PRKCE: variants seen among roughly 807,000 people sequenced by gnomAD.
PRKCE encodes protein kinase C epsilon.
Under a neutral mutation model 85.4 loss-of-function variants are expected in PRKCE, and 16 were observed. The observed-to-expected ratio is 0.19, with a 90% CI of 0.13 to 0.28. The LOEUF (loss-of-function observed/expected upper bound fraction) is 0.28. Ranked by LOEUF, PRKCE falls within the 10% of genes least tolerant of loss-of-function variation. The pLI, the probability that PRKCE is intolerant of heterozygous loss-of-function variation, is 1.00. For missense variants in PRKCE, 573 were observed against 975.2 expected (o/e 0.59, Z 5.49); for synonymous variants, 388 against 371.5 (o/e 1.04, Z -0.51).
At position 46,099,875 on chromosome 2, in the gene PRKCE, G is replaced by A. The variant is rs566789183; in HGVS notation, c.1592+13513G>A. ...TCTTCCCCTGGGCTCCTTTCTGTGT[G>A]CATGGCCCTATTTCACCTGTCTTTT... On this transcript the variant is annotated intron_variant, in intron 11 of 14. Coordinates refer to ENST00000306156, the MANE Select transcript of PRKCE (RefSeq NM_005400.3). 6.6e-5 allele frequency among the ~76,000 whole-genome samples: 10 copies of A among 152,284 alleles called. No homozygotes were observed. In the South Asian group the frequency reaches 2.1e-3, roughly 32 times the overall value.
At chr2:45,720,739 A>G (rs1680547634) in intron 1 of PRKCE, among the ~76,000 whole-genome samples, 1 of 152,186 alleles carries the variant, frequency 6.6e-6, no homozygotes, top group Non-Finnish European at 1.5e-5. Context: ...TGAATTTGGA[A>G]AGAAGATTGG....
chr2:45,792,735 T>G (rs1311778013), intron 1 of PRKCE, among the ~76,000 whole-genome samples: 1 of 152,220 alleles, frequency 6.6e-6, no homozygotes, highest in African/African-American at 2.4e-5. Flanking sequence ...TTAAATGAGA[T>G]AATGCTTATT....
intron 2 of PRKCE, among the ~76,000 whole-genome samples, chr2:45,941,894 C>T (rs1332381718): frequency 6.6e-6 from 1 of 152,108 alleles, no homozygotes; most frequent in Non-Finnish European, 1.5e-5. Context: ...GGATAAAATA[C>T]ACTAGCTGGA....
chr2:46,171,048 G>T (rs1012764474), intron 14 of PRKCE, among the ~76,000 whole-genome samples: 1 of 152,176 alleles, frequency 6.6e-6, no homozygotes, highest in African/African-American at 2.4e-5. Context: ...AGCAGAATGA[G>T]TCCAAGTTGC....
chr2:45,860,054 C>G (rs1032940913), intron 2 of PRKCE, among the ~76,000 whole-genome samples: 4 of 152,032 alleles, frequency 2.6e-5, no homozygotes, highest in Non-Finnish European at 4.4e-5. Context: ...CTTTTAGTGC[C>G]TTATTAAACT....
At chr2:45,884,234 G>C (rs1695079569) in intron 2 of PRKCE, among the ~76,000 whole-genome samples, 1 of 152,188 alleles carries the variant, frequency 6.6e-6, no homozygotes, top group Non-Finnish European at 1.5e-5. Context: ...TCTGCCACTG[G>C]GCAAGTTACT....
At chr2:46,101,990 A>C (rs1455333912) in intron 11 of PRKCE, among the ~76,000 whole-genome samples, 4 of 152,130 alleles carry the variant, frequency 2.6e-5, no homozygotes, top group African/African-American at 9.7e-5. Flanking sequence ...AAAATTCCTG[A>C]AATTTTAACA....
In PRKCE at chr2:46,136,823, C is replaced by T. The variant is rs140147628; in HGVS notation, c.1593-8270C>T. Reference sequence around the variant, plus strand: ...CCAGTCCCGGGGAAAGGAATCTTGACTTTCTCACCGGGCTATGCTAAAAGT... The same window carrying T: ...CCAGTCCCGGGGAAAGGAATCTTGATTTTCTCACCGGGCTATGCTAAAAGT... On this transcript the variant is annotated intron_variant, in intron 11 of 14. Transcript: ENST00000306156. Among the ~76,000 whole-genome samples the T allele has an allele frequency of 8.4e-3, 1,273 of 152,322 alleles. 9 individuals are homozygous for T. Among genetic ancestry groups the T allele is most frequent in the Non-Finnish European group, 0.013 (851 of 68,014 alleles).
intron 10 of PRKCE, among the ~76,000 whole-genome samples, chr2:46,083,732 A>C (rs149398484): frequency 1.3e-5 from 2 of 152,232 alleles, no homozygotes; most frequent in South Asian, 4.1e-4. Context: ...CTTCTGAACC[A>C]GATATCTGAG....
At chr2:45,764,091 A>G (rs1014074123) in intron 1 of PRKCE, among the ~76,000 whole-genome samples, 2 of 152,192 alleles carry the variant, frequency 1.3e-5, no homozygotes, top group African/African-American at 4.8e-5. Context: ...CAGTGCTTCA[A>G]TTACAATACC....
chr2:45,959,033 T>C (rs375074097), intron 2 of PRKCE, among the ~76,000 whole-genome samples: 14 of 151,284 alleles, frequency 9.3e-5, no homozygotes, highest in African/African-American at 3.4e-4. Context: ...AACCTGAAGT[T>C]CTGGTTAATG....
chr2:45,664,354 A>T (rs1280520741), intron 1 of PRKCE, among the ~76,000 whole-genome samples: 1 of 152,236 alleles, frequency 6.6e-6, no homozygotes, highest in Non-Finnish European at 1.5e-5. Flanking sequence ...CTCCTCATCC[A>T]TAAAATGGGA....
intron 1 of PRKCE, among the ~76,000 whole-genome samples, chr2:45,702,323 C>T (rs1030674219): frequency 4.6e-5 from 7 of 152,142 alleles, no homozygotes; most frequent in African/African-American, 7.2e-5. Flanking sequence ...TTGGGCAGCC[C>T]GGAATACTAG....
In PRKCE at chr2:45,935,067, T is replaced by TCACACACA. The variant is rs1553453521; in HGVS notation, c.413-41343_413-41336dup. 6.1e-3 allele frequency among the ~76,000 whole-genome samples: 894 copies of TCACACACA among 146,340 alleles called. 9 individuals carry two copies. Among genetic ancestry groups the TCACACACA allele is most frequent in the African/African-American group, 0.018 (697 of 39,194 alleles). ...CAAAGCGAGACACTCACTCTCTCTC[T>TCACACACA]CACACACACACACACACACACACAC... On this transcript the variant is annotated intron_variant, in intron 2 of 14. Coordinates refer to ENST00000306156, the MANE Select transcript of PRKCE (RefSeq NM_005400.3).
intron 1 of PRKCE, among the ~76,000 whole-genome samples, chr2:45,716,663 A>AAGG (rs1163673731): frequency 2.3e-5 from 3 of 132,428 alleles, no homozygotes; most frequent in Non-Finnish European, 4.9e-5. Context: ...GGAGAAGGAG[A>AAGG]AGAAAAAGAA....
At chr2:46,016,754 C>T (rs760588878) in intron 10 of PRKCE, among the ~76,000 whole-genome samples, 1 of 151,830 alleles carries the variant, frequency 6.6e-6, no homozygotes, top group Non-Finnish European at 1.5e-5. Flanking sequence ...ACTAAAAATA[C>T]AAAAATTATC....
intron 1 of PRKCE, among the ~76,000 whole-genome samples, chr2:45,801,750 C>G (rs181424810): frequency 3.3e-5 from 5 of 152,226 alleles, no homozygotes; most frequent in Admixed American, 3.3e-4. Flanking sequence ...ACGTTCTTCC[C>G]TGGTGTGTCC....
chr2:46,060,137 T>C (rs2105115816), intron 10 of PRKCE, among the ~76,000 whole-genome samples: 1 of 152,360 alleles, frequency 6.6e-6, no homozygotes, highest in South Asian at 2.1e-4. Context: ...AACCTCAGTG[T>C]ATATCTTTGG....
intron 11 of PRKCE, among the ~76,000 whole-genome samples, chr2:46,144,838 A>C (rs1310698179): frequency 6.6e-6 from 1 of 152,178 alleles, no homozygotes; most frequent in African/African-American, 2.4e-5. Flanking sequence ...ACTTAGCTCT[A>C]TTAAACCACA....
Sources: gnomAD v4.1 joint callset for allele counts (sites outside exome capture counted in the v4.1 genomes callset) on GRCh38, gnomAD v4.1.1 for gene constraint, MANE v1.5 for transcripts, NCBI Gene and HGNC (gene_info 2026-07-23, HGNC 2026-07-21) for gene names.